ZNF678: variants seen among roughly 807,000 people sequenced by gnomAD.
The protein encoded by ZNF678 is hypothetical protein MGC42493.
In ZNF678, 5 loss-of-function variants were observed where a neutral mutation model predicts 3.0. The observed-to-expected ratio is 1.69, with a 90% CI of 0.88 to 3.56. The LOEUF is 3.56. ZNF678 is among the 30% of genes most tolerant of loss of function. The pLI, the probability that ZNF678 is intolerant of heterozygous loss-of-function variation, is 0.00. For synonymous variants in ZNF678, 218 were observed against 199.6 expected (o/e 1.09, Z -0.78); for missense variants, 593 against 605.0 (o/e 0.98, Z 0.21).
At chr1:227,635,007 G>A (rs375764496) in intron 1 of ZNF678, among the ~76,000 whole-genome samples, 4 of 151,486 alleles carry the variant, frequency 2.6e-5, no homozygotes, top group Non-Finnish European at 5.9e-5. Flanking sequence ...CCAGCTCCAG[G>A]CAGCTCAGCC....
At chr1:227,585,076 A>G (rs1657224173) in intron 1 of ZNF678, among the ~76,000 whole-genome samples, 2 of 152,230 alleles carry the variant, frequency 1.3e-5, no homozygotes, top group South Asian at 2.1e-4. Context: ...GATAAAGAAG[A>G]GACAAATTTT....
At chr1:227,592,294 A>C (rs1299069539) in intron 1 of ZNF678, among the ~76,000 whole-genome samples, 1 of 151,888 alleles carries the variant, frequency 6.6e-6, no homozygotes, top group East Asian at 1.9e-4. Flanking sequence ...GCATGGGGGG[A>C]TTTTAGGTTT....
At chr1:227,566,676 A>G (rs1373395401) in intron 1 of ZNF678, among the ~76,000 whole-genome samples, 1 of 152,230 alleles carries the variant, frequency 6.6e-6, no homozygotes, top group East Asian at 1.9e-4. Context: ...TTTCATCATC[A>G]GTTTTTTATT....
intron 2 of ZNF678, among the ~76,000 whole-genome samples, chr1:227,647,626 G>T (rs974773963): frequency 1.3e-5 from 2 of 152,160 alleles, no homozygotes; most frequent in African/African-American, 2.4e-5. Flanking sequence ...TGTGGTTTGG[G>T]CAGCTCTGCT....
intron 1 of ZNF678, among the ~76,000 whole-genome samples, chr1:227,622,902 G>A (rs560447583): frequency 2.8e-4 from 42 of 152,284 alleles, no homozygotes; most frequent in South Asian, 2.3e-3. Context: ...CCAGGAAACC[G>A]GGACAGATCA....
chr1:227,654,908 C>T lies in ZNF678; in HGVS notation c.658C>T (p.Gln220Ter). 1 of 1,611,790 alleles carries T rather than the reference C, an allele frequency of 6.2e-7. No homozygotes were observed. The change falls in exon 4 of 4, where the codon CAG becomes TAG. Residue 220 changes from glutamine to a stop codon, truncating the protein, a stop_gained. Transcript: ENST00000343776. LOFTEE classifies it low-confidence loss of function (END_TRUNC). ...PCEECGKAFT[Q>*]FSNLTQHKRI... ...TGAAGAATGTGGCAAAGCCTTTACC[C>T]AGTTCTCAAACCTTACACAACATAA...
chr1:227,592,357 C>T (rs2102739662), intron 1 of ZNF678, among the ~76,000 whole-genome samples: 1 of 152,348 alleles, frequency 6.6e-6, no homozygotes, highest in Middle Eastern at 3.4e-3. Flanking sequence ...AGGGCCATTG[C>T]TGCCAGGGCC....
downstream of ZNF678, among the ~76,000 whole-genome samples, chr1:227,679,089 A>G (rs991101559): frequency 2.0e-5 from 3 of 151,578 alleles, no homozygotes; most frequent in African/African-American, 7.3e-5. Context: ...TCACTCTCCT[A>G]TGGAAAAAAA....
At chr1:227,632,480 C>T (rs1219846325) in intron 1 of ZNF678, among the ~76,000 whole-genome samples, 1 of 152,086 alleles carries the variant, frequency 6.6e-6, no homozygotes, top group Admixed American at 6.5e-5. Flanking sequence ...GCCATGATCT[C>T]GACCGGCCAA....
chr1:227,621,869 C>A (rs1658288180), intron 1 of ZNF678, among the ~76,000 whole-genome samples: 1 of 152,112 alleles, frequency 6.6e-6, no homozygotes, highest in Non-Finnish European at 1.5e-5. Context: ...CCACCATCAA[C>A]ATTAATTAAA....
At chr1:227,573,785 G>A (rs1344842765) in intron 1 of ZNF678, among the ~76,000 whole-genome samples, 2 of 144,940 alleles carry the variant, frequency 1.4e-5, no homozygotes, top group South Asian at 2.2e-4. Context: ...ATTAAGCCTA[G>A]TATTCATTAG....
intron 1 of ZNF678, among the ~76,000 whole-genome samples, chr1:227,626,022 A>G (rs1215608348): frequency 6.6e-6 from 1 of 152,186 alleles, no homozygotes; most frequent in Non-Finnish European, 1.5e-5. Flanking sequence ...ATGGGGCATC[A>G]ATATTTCTGG....
chr1:227,573,850 T>TG (rs1375578392), intron 1 of ZNF678, among the ~76,000 whole-genome samples: 1 of 152,170 alleles, frequency 6.6e-6, no homozygotes, highest in East Asian at 1.9e-4. Flanking sequence ...TAAGTCCCAG[T>TG]GTCTTTTGTT....
At chr1:227,637,270 A>T (rs1402262072) in intron 1 of ZNF678, among the ~76,000 whole-genome samples, 1 of 152,222 alleles carries the variant, frequency 6.6e-6, no homozygotes, top group East Asian at 1.9e-4. Flanking sequence ...GCTGGTTAGC[A>T]CAGTGCTTTG....
rs560830365 is a variant in ZNF678, at chr1:227,621,081, A to G, written c.-163-25463A>G. On this transcript the variant is annotated intron_variant, in intron 1 of 3. Transcript: ENST00000343776. ...AGTCTGGGCACCATACTGAGACCTC[A>G]TCTCTATTGAAAAAGTCAACCAGAT... Among the ~76,000 whole-genome samples the G allele has an allele frequency of 7.9e-5, 12 of 152,278 alleles. No individual in the cohort carries two copies. In the South Asian group the frequency reaches 2.3e-3, roughly 29 times the overall value.
intron 1 of ZNF678, among the ~76,000 whole-genome samples, chr1:227,595,524 T>C (rs1011016264): frequency 1.3e-5 from 2 of 152,200 alleles, no homozygotes; most frequent in African/African-American, 2.4e-5. Context: ...TAGTACTCCA[T>C]AGTCTCCTTT....
At chr1:227,631,890 G>A (rs1196356889) in intron 1 of ZNF678, among the ~76,000 whole-genome samples, 4 of 152,212 alleles carry the variant, frequency 2.6e-5, no homozygotes, top group Admixed American at 6.5e-5. Flanking sequence ...GTGGAAGGAC[G>A]TTTGCTCATT....
chr1:227,667,414 G>A (rs906224719), downstream of ZNF678, among the ~76,000 whole-genome samples: 12 of 151,944 alleles, frequency 7.9e-5, no homozygotes, highest in Non-Finnish European at 1.5e-4. Context: ...TAGCTACTGG[G>A]CCTTGCTCTT....
intron 1 of ZNF678, among the ~76,000 whole-genome samples, chr1:227,567,932 G>A (rs1487435148): frequency 6.6e-6 from 1 of 152,094 alleles, no homozygotes; most frequent in Non-Finnish European, 1.5e-5. Flanking sequence ...GCAGAAAAGG[G>A]CTTTATTTAA....
Sources: gnomAD v4.1 joint callset for allele counts (sites outside exome capture counted in the v4.1 genomes callset) on GRCh38, gnomAD v4.1.1 for gene constraint, MANE v1.5 for transcripts, NCBI Gene and HGNC (gene_info 2026-07-23, HGNC 2026-07-21) for gene names.